Variants in YBEY observed in about 807,000 individuals in gnomAD.
YBEY encodes the protein endoribonuclease YbeY.
In YBEY, 15 loss-of-function variants were observed where a neutral mutation model predicts 13.5. The ratio of observed to expected loss-of-function variants is 1.11; its 90% CI spans 0.75 to 1.72. The LOEUF (loss-of-function observed/expected upper bound fraction) is 1.72. YBEY is among the 40% of genes most tolerant of loss of function. The pLI, the probability that YBEY is intolerant of heterozygous loss-of-function variation, is 0.00. For synonymous variants in YBEY, 101 were observed against 83.1 expected (o/e 1.21, Z -1.17); for missense variants, 244 against 208.4 (o/e 1.17, Z -1.05).
At chr21:46,306,003 G>A in the YBEY span, among the ~76,000 whole-genome samples, 1 of 151,672 alleles carries the variant, frequency 6.6e-6, no homozygotes, top group African/African-American at 2.4e-5. Context: ...GGGAGGCTGA[G>A]GTGGGAGGAT....
downstream of YBEY, chr21:46,300,777 G>T (rs911685042): frequency 3.1e-6 from 4 of 1,289,340 alleles, no homozygotes; most frequent in Non-Finnish European, 4.0e-6. Context: ...CGGAACTTCA[G>T]GAATGAAAGA....
the YBEY span, among the ~76,000 whole-genome samples, chr21:46,305,677 C>T: frequency 6.6e-6 from 1 of 152,138 alleles, no homozygotes; most frequent in Admixed American, 6.6e-5. Flanking sequence ...CGGTGGCTCA[C>T]GCCTGTAATC....
chr21:46,308,185 A>G, the YBEY span, among the ~76,000 whole-genome samples: 1 of 152,004 alleles, frequency 6.6e-6, no homozygotes, highest in Non-Finnish European at 1.5e-5. Context: ...ACTGCTGCCC[A>G]GGCGCGGTGG....
chr21:46,295,215 G>A (rs943549055), intron 3 of YBEY, among the ~76,000 whole-genome samples: 9 of 152,034 alleles, frequency 5.9e-5, no homozygotes, highest in Admixed American at 4.6e-4. Flanking sequence ...TTACCCTGAG[G>A]GGAGGGCCAG....
At chr21:46,294,933 C>T (rs966852905) in intron 3 of YBEY, among the ~76,000 whole-genome samples, 18 of 152,290 alleles carry the variant, frequency 1.2e-4, no homozygotes, top group East Asian at 3.9e-4. Flanking sequence ...AAGGATGGGA[C>T]GGCCACACAG....
chr21:46,295,944 T>A (rs1244448138), intron 3 of YBEY, among the ~76,000 whole-genome samples: 2 of 150,260 alleles, frequency 1.3e-5, no homozygotes, highest in Non-Finnish European at 3.0e-5. Flanking sequence ...CAGACAGCAA[T>A]CCACGTTGAC....
the YBEY span, among the ~76,000 whole-genome samples, chr21:46,311,047 T>A: frequency 6.6e-6 from 1 of 151,884 alleles, no homozygotes; most frequent in Non-Finnish European, 1.5e-5. Context: ...GGTTTTTGTA[T>A]TTTTAGTAGA....
intron 2 of YBEY, among the ~76,000 whole-genome samples, chr21:46,287,740 C>T (rs966656155): frequency 2.0e-5 from 3 of 152,114 alleles, no homozygotes; most frequent in Admixed American, 2.0e-4. Flanking sequence ...CCCATAATCC[C>T]AGCACTTTGG....
chr21:46,288,116 T>C lies in YBEY; in HGVS notation c.210+993T>C, dbSNP rs78739486. Among the ~76,000 whole-genome samples the C allele has an allele frequency of 4.6e-3, 697 of 152,316 alleles. 24 individuals carry two copies. In the South Asian group the frequency reaches 0.08, roughly 17 times the overall value. On this transcript the variant is annotated intron_variant, in intron 2 of 4. Coordinates refer to ENST00000397701, the MANE Select transcript of YBEY (RefSeq NM_001314025.2). ...GAGAAGCAAACTGCTTCTGCAATATTTTTGCAGTTTTAAGTGGGATTCGTT... is the reference window on the plus strand; with the variant it reads ...GAGAAGCAAACTGCTTCTGCAATATCTTTGCAGTTTTAAGTGGGATTCGTT...
Position 46,296,060 on chromosome 21 carries a change from C to G in YBEY, c.340-102C>G, listed in dbSNP as rs1013073492. On this transcript the variant is annotated intron_variant, in intron 3 of 4. Coordinates refer to ENST00000397701, the MANE Select transcript of YBEY (RefSeq NM_001314025.2). ...GGGGTCTCACAGCAACCCTGGGGTC[C>G]TGCAGCCACATACCAAGAGCAGCCT... 4 of 1,287,670 alleles carry G rather than the reference C, an allele frequency of 3.1e-6. No homozygotes were observed. In the African/African-American group the frequency reaches 5.8e-5, roughly 19 times the overall value. 79.8% of individuals were successfully genotyped at this position (1,287,670 alleles called of 1,614,324 possible). A position where few individuals can be genotyped will look rare whatever the true frequency, so the allele number is the denominator to read the frequency against.
At chr21:46,303,857 T>C in the YBEY span, among the ~76,000 whole-genome samples, 2 of 144,976 alleles carry the variant, frequency 1.4e-5, no homozygotes, top group East Asian at 2.1e-4. Context: ...GTTCACGCCA[T>C]TCTCCTGCCT....
the YBEY span, among the ~76,000 whole-genome samples, chr21:46,302,909 G>C: frequency 8.0e-4 from 91 of 113,894 alleles, 1 homozygote; most frequent in East Asian, 0.024. Flanking sequence ...GGCGCGCCCT[G>C]AGCCCGTCTG....
intron 2 of YBEY, 59 bp downstream of exon 2, chr21:46,287,182 C>A: frequency 4.0e-6 from 6 of 1,482,194 alleles, no homozygotes; most frequent in South Asian, 1.3e-5. Flanking sequence ...AATTTCCTGT[C>A]GTTTTGTTTT....
the YBEY span, among the ~76,000 whole-genome samples, chr21:46,309,720 G>A: frequency 6.6e-6 from 1 of 152,184 alleles, no homozygotes; most frequent in African/African-American, 2.4e-5. Context: ...ATGCAGGCCA[G>A]GCATGGTGGC....
intron 2 of YBEY, among the ~76,000 whole-genome samples, chr21:46,289,220 G>C (rs1729880392): frequency 6.6e-6 from 1 of 152,162 alleles, no homozygotes; most frequent in African/African-American, 2.4e-5. Context: ...GTGTCCATGT[G>C]ATGATTTAAC....
the YBEY span, among the ~76,000 whole-genome samples, chr21:46,305,051 G>C: frequency 3.9e-5 from 6 of 152,172 alleles, no homozygotes; most frequent in African/African-American, 1.4e-4. Context: ...GCACTGGCAG[G>C]TGGGGATGAT....
the YBEY span, among the ~76,000 whole-genome samples, chr21:46,308,585 A>G: frequency 6.6e-6 from 1 of 152,232 alleles, no homozygotes; most frequent in African/African-American, 2.4e-5. Flanking sequence ...TTTGTTGGCC[A>G]TAAGCGAAAA....
At chr21:46,303,725 ATATATATATATATATATATATTTT>A in the YBEY span, among the ~76,000 whole-genome samples, 4 of 26,216 alleles carry the variant, frequency 1.5e-4, no homozygotes, top group East Asian at 1.4e-3. Flanking sequence ...ATATATATAT[ATATATATATATATATATATATTTT>A]TTTTTTTTTT....
At chr21:46,299,125 C>T (rs949821104), downstream of YBEY, among the ~76,000 whole-genome samples, 4 of 151,158 alleles carry the variant, frequency 2.6e-5, no homozygotes, top group Admixed American at 6.6e-5. Context: ...TGCCACCACA[C>T]CTGGCTAATT....
Sources: gnomAD v4.1 joint callset for allele counts (sites outside exome capture counted in the v4.1 genomes callset) on GRCh38, gnomAD v4.1.1 for gene constraint, MANE v1.5 for transcripts, NCBI Gene and HGNC (gene_info 2026-07-23, HGNC 2026-07-21) for gene names.